The following PIK3C2B variants were observed in gnomAD, a reference collection of about 807,000 sequenced individuals.
The protein encoded by PIK3C2B is phosphatidylinositol-4-phosphate 3-kinase catalytic subunit type 2 beta, also known as phosphatidylinositol 4-phosphate 3-kinase C2 domain-containing subunit beta.
PIK3C2B carries 83 observed loss-of-function variants against 184.3 expected under a neutral mutation model. That is an observed-to-expected ratio of 0.45 (90% CI 0.38 to 0.54). The LOEUF (loss-of-function observed/expected upper bound fraction) is 0.54, where lower values mean the gene tolerates loss of function less well. PIK3C2B is among the 20% of genes least tolerant of loss of function. PIK3C2B has a pLI of 0.00. For missense variants in PIK3C2B, 1,736 were observed against 2,113.5 expected, an observed-to-expected ratio of 0.82 and a Z score of 3.50; for synonymous variants, 779 against 837.6, an observed-to-expected ratio of 0.93 and a Z score of 1.21.
rs142302316 is a variant in PIK3C2B, at chr1:204,468,950, G to A, written c.853C>T (p.Pro285Ser). The change falls in exon 2 of 33, where the codon CCC becomes TCC. Residue 285 changes from proline (P) to serine (S), a missense_variant. Physicochemically the swap from Pro to Ser is moderately conservative, Grantham distance 74. This residue lies in a region of PIK3C2B where 404 missense variants were observed against 418.0 expected (regional missense o/e 0.97). Coordinates refer to ENST00000684373, the MANE Select transcript of PIK3C2B (RefSeq NM_001377334.1). ...ARSKTMPPQV[P>S]PRTYASRYGN... The stretch of plus-strand genomic sequence containing the variant: ...TAGCGGGAGGCATAGGTGCGGGGGG[G>A]CACCTGAGGGGGCATAGTCTTGCTC... 7.4e-6 allele frequency: 12 copies of A among 1,613,956 alleles called. No homozygotes were observed. The highest frequency in any genetic ancestry group is 4.5e-5 in the East Asian group (2 of 44,888).
chr1:204,454,506 A>AGCTT (rs1654656318), intron 12 of PIK3C2B, 163 bp downstream of exon 12: 1 of 543,638 alleles, frequency 1.8e-6, no homozygotes, highest in Non-Finnish European at 3.2e-6. Flanking sequence ...AAAAAGAGTC[A>AGCTT]GGGAAGTGGA....
intron 1 of PIK3C2B, among the ~76,000 whole-genome samples, chr1:204,473,053 C>A (rs1274456596): frequency 6.6e-6 from 1 of 152,204 alleles, no homozygotes; most frequent in Non-Finnish European, 1.5e-5. Flanking sequence ...CTTCACCCAA[C>A]AGGTAACAAA....
At chr1:204,441,428 C>G in intron 21 of PIK3C2B, 43 bp downstream of exon 21, 1 of 1,368,986 alleles carries the variant, frequency 7.3e-7, no homozygotes, top group Non-Finnish European at 1.0e-6. Context: ...GCCTCCTTCT[C>G]TCTCCCACCC....
In PIK3C2B at chr1:204,449,942, G is replaced by A. The variant is rs893981470; in HGVS notation, c.2142C>T (p.Ile714=). The A allele has an allele frequency of 1.9e-6, 3 of 1,611,918 alleles. No homozygotes were observed. Among genetic ancestry groups the A allele is most frequent in the Admixed American group, 1.7e-5 (1 of 59,768 alleles). ...CCTCTGAGGAGCTCCCCGGTGGGGG[G>A]ATGGGCAGAGCATAGAGAGTGGCAC... ...LLCATLYALP[I]PPPGSSSEAN... The change falls in exon 13 of 33, where the codon ATC becomes ATT. Residue 714 remains isoleucine (I), a synonymous_variant. Transcript: ENST00000684373.
At position 204,428,186 on chromosome 1, in the gene PIK3C2B, G is replaced by A; in HGVS notation, c.4433C>T (p.Pro1478Leu). The change falls in exon 30 of 33, where the codon CCC (proline) becomes CTC (leucine). Residue 1478 changes from proline (P) to leucine (L), a missense_variant. Pro to Leu is a moderately conservative substitution (Grantham distance 98). Around this residue, in one of 8 missense-constraint regions of PIK3C2B, gnomAD observed 200 missense variants for 199.1 expected, o/e 1.00. Transcript: ENST00000684373. ...GGTGCCCATAGCCTTCTCATCCCGGGGCAGTGGGTGGAAGAAGGTGTACAC... is the reference window on the plus strand; with the variant it reads ...GGTGCCCATAGCCTTCTCATCCCGGAGCAGTGGGTGGAAGAAGGTGTACAC... ...DLVYTFFHPL[P>L]RDEKAMGTSP... 6.2e-7 allele frequency: 1 copy of A among 1,612,934 alleles called. No individual in the cohort carries two copies. Among genetic ancestry groups the A allele is most frequent in the South Asian group, 1.1e-5 (1 of 90,962 alleles).
chr1:204,425,779 T>G (rs1674711041), intron 31 of PIK3C2B, 38 bp from the exon 32 acceptor site: 11 of 1,598,402 alleles, frequency 6.9e-6, no homozygotes, highest in Non-Finnish European at 9.4e-6. Context: ...GTTAAGATTT[T>G]TAACATCTGT....
intron 4 of PIK3C2B, 138 bp downstream of exon 4, chr1:204,464,312 C>T: frequency 2.8e-6 from 3 of 1,084,588 alleles, no homozygotes; most frequent in Non-Finnish European, 4.0e-6. Flanking sequence ...GGCCCCATAG[C>T]CAGCCCCTCA....
chr1:204,468,710 C>T (rs1052074946), intron 2 of PIK3C2B, among the ~76,000 whole-genome samples, 160 bp downstream of exon 2: 5 of 152,192 alleles, frequency 3.3e-5, no homozygotes, highest in African/African-American at 1.2e-4. Flanking sequence ...AATCAAGCCT[C>T]CCCTGGACCT....
intron 8 of PIK3C2B, among the ~76,000 whole-genome samples, chr1:204,459,486 C>A (rs754513029): frequency 4.1e-4 from 62 of 152,184 alleles, no homozygotes; most frequent in African/African-American, 1.5e-3. Context: ...TTCCTACCTG[C>A]GATAACAGCA....
At chr1:204,432,121 G>T in intron 27 of PIK3C2B, 79 bp downstream of exon 27, 1 of 1,288,808 alleles carries the variant, frequency 7.8e-7, no homozygotes, top group Non-Finnish European at 1.1e-6. Context: ...CACTGTGCAA[G>T]TGTGGAAAAA....
chr1:204,489,816 C>G (rs533284119), intron 1 of PIK3C2B: 9 of 397,908 alleles, frequency 2.3e-5, no homozygotes, highest in Non-Finnish European at 4.0e-5. Flanking sequence ...GAACTCATAC[C>G]TGATTCTTCT....
At chr1:204,475,582 A>G (rs1338669704) in intron 1 of PIK3C2B, among the ~76,000 whole-genome samples, 1 of 152,154 alleles carries the variant, frequency 6.6e-6, no homozygotes. Flanking sequence ...GGAACTAACC[A>G]GGTTGGATTG....
intron 1 of PIK3C2B, among the ~76,000 whole-genome samples, chr1:204,478,836 T>G (rs1196370860): frequency 2.0e-5 from 3 of 152,178 alleles, no homozygotes; most frequent in Non-Finnish European, 4.4e-5. Flanking sequence ...TCCTAGACAA[T>G]CAGAGGGACA....
chr1:204,435,430 C>T (rs1306037831), intron 23 of PIK3C2B: 2 of 152,116 alleles, frequency 1.3e-5, no homozygotes, highest in Non-Finnish European at 2.9e-5. Flanking sequence ...TCAGGAAAGA[C>T]ATCAGCAGAG....
chr1:204,426,879 T>C (rs1369737494), intron 31 of PIK3C2B, among the ~76,000 whole-genome samples: 2 of 152,210 alleles, frequency 1.3e-5, no homozygotes, highest in African/African-American at 4.8e-5. Context: ...CTCACACCTA[T>C]AATCCCAGCA....
chr1:204,467,220 T>G (rs1001936716), intron 2 of PIK3C2B: 1 of 287,502 alleles, frequency 3.5e-6, no homozygotes, highest in Non-Finnish European at 6.8e-6. Flanking sequence ...CCTGACTCAG[T>G]GAGCAGGCCC....
chr1:204,490,090 G>A (rs1657910744), intron 1 of PIK3C2B: 3 of 396,036 alleles, frequency 7.6e-6, no homozygotes, highest in African/African-American at 4.1e-5. Flanking sequence ...ACAGTGGCAG[G>A]AGTGACACAG....
Position 204,443,327 on chromosome 1 carries a change from G to A in PIK3C2B, c.3048+90C>T, listed in dbSNP as rs547975875. ...CCGCTCCAAAATCAAAAATCGTCAC[G>A]TGGAATCTTGTTGTTCAGGATTCCT... On this transcript the variant is annotated intron_variant, in intron 19 of 32. Transcript: ENST00000684373. 24 of 1,301,496 alleles carry A rather than the reference G, an allele frequency of 1.8e-5. 1 individual carries two copies. In the Middle Eastern group the frequency reaches 1.6e-3, roughly 86 times the overall value. The allele number at this position is 1,301,496 out of a possible 1,614,324, so 80.6% of individuals were successfully genotyped here.
intron 1 of PIK3C2B, among the ~76,000 whole-genome samples, chr1:204,477,752 T>C (rs1450480869): frequency 6.6e-6 from 1 of 152,184 alleles, no homozygotes; most frequent in African/African-American, 2.4e-5. Flanking sequence ...GGGTCATCTC[T>C]TCCCCATACC....
Sources: gnomAD v4.1 joint callset for allele counts (sites outside exome capture counted in the v4.1 genomes callset) on GRCh38, gnomAD v4.1.1 for gene constraint, gnomAD v4.1.1 regional missense constraint, MANE v1.5 for transcripts, NCBI Gene and HGNC (gene_info 2026-07-23, HGNC 2026-07-21) for gene names.